Variants in TNPO3 observed in about 807,000 individuals in gnomAD.
TNPO3 encodes the protein transportin 3.
A neutral mutation model predicts 122.8 loss-of-function variants in TNPO3; 65 were observed. The ratio of observed to expected loss-of-function variants is 0.53; its 90% CI spans 0.43 to 0.65. TNPO3 has a LOEUF of 0.65. Ranked by LOEUF, TNPO3 falls within the 30% of genes least tolerant of loss-of-function variation. The pLI is 0.00. For missense variants in TNPO3, 850 were observed against 1,136.7 expected (o/e 0.75, Z 3.63); for synonymous variants, 372 against 411.2 (o/e 0.90, Z 1.15).
chr7:129,026,401 T>TC, intron 1 of TNPO3, among the ~76,000 whole-genome samples: 1 of 147,522 alleles, frequency 6.8e-6, no homozygotes, highest in African/African-American at 2.5e-5. Context: ...TGAATTTTTT[T>TC]TTTTTTTTTT....
chr7:128,979,075 G>C lies in TNPO3; in HGVS notation c.1969C>G (p.Arg657Gly). ...ETLNKHRADN[R>G]IVERCCRCLR... ...CACCTGCAACAACGCTCTACAATCC[G>C]ATTATCAGCTCGGTGCTTATTTAGA... is the stretch of plus-strand genomic sequence containing the variant. The change falls in exon 16 of 23, where the codon CGG (arginine) becomes GGG (glycine). Residue 657 changes from arginine (R) to glycine (G), a missense_variant. Arg to Gly is a moderately radical substitution (Grantham distance 125, BLOSUM62 -2). Transcript: ENST00000265388. The C allele has an allele frequency of 8.7e-6, 14 of 1,614,196 alleles. No homozygotes were observed. Among genetic ancestry groups the C allele is most frequent in the Non-Finnish European group, 1.2e-5 (14 of 1,180,036 alleles).
intron 20 of TNPO3, among the ~76,000 whole-genome samples, chr7:128,968,912 G>C (rs1485446968): frequency 6.6e-6 from 1 of 151,228 alleles, no homozygotes. Flanking sequence ...TTTTTTGTAG[G>C]GATGGGGTCT....
At chr7:128,990,174 G>T in intron 10 of TNPO3, 74 bp from the exon 11 acceptor site, 1 of 1,484,256 alleles carries the variant, frequency 6.7e-7, no homozygotes, top group Non-Finnish European at 9.4e-7. Flanking sequence ...AGGCTGTGAC[G>T]ACACACAGCA....
chr7:129,014,479 T>C (rs1031239277), intron 4 of TNPO3, among the ~76,000 whole-genome samples: 1 of 152,028 alleles, frequency 6.6e-6, no homozygotes, highest in African/African-American at 2.4e-5. Context: ...GCTGAGATCA[T>C]GCCACTGCAC....
upstream of TNPO3, chr7:129,056,100 A>C (rs1485562379): frequency 2.7e-6 from 3 of 1,117,920 alleles, no homozygotes; most frequent in African/African-American, 3.0e-5. Flanking sequence ...GCTCATCGGC[A>C]CTCAGAACGC....
In TNPO3 at chr7:128,975,919, T is replaced by C. The variant is rs1325614742; in HGVS notation, c.2078A>G (p.His693Arg). ...CAGGAAGCAGGAATGCTGATGTACG[T>C]GGTACACATTCACCATCTGTTGAGG... is the stretch of plus-strand genomic sequence containing the variant. ...PLVTQMVNVY[H>R]VHQHSCFLYL... is the part of the protein sequence containing the mutation. Residue 693 changes from histidine (H) to arginine (R), a missense_variant, in exon 17 of 23, where the codon CAC becomes CGC. Transcript: ENST00000265388. 1.2e-6 allele frequency: 2 copies of C among 1,612,598 alleles called. No homozygotes were observed. The highest frequency in any genetic ancestry group is 1.7e-6 in the Non-Finnish European group (2 of 1,178,606).
intron 4 of TNPO3, among the ~76,000 whole-genome samples, chr7:129,008,551 G>A (rs1452030141): frequency 1.3e-5 from 2 of 152,066 alleles, no homozygotes; most frequent in Admixed American, 1.3e-4. Context: ...AGAATTTTTA[G>A]AAAAGACTAT....
intron 4 of TNPO3, among the ~76,000 whole-genome samples, chr7:129,005,689 T>C (rs1802495799): frequency 1.3e-5 from 2 of 151,856 alleles, no homozygotes; most frequent in Admixed American, 1.3e-4. Context: ...GAGGCCTCCC[T>C]AGAAGCAGAA....
intron 20 of TNPO3, among the ~76,000 whole-genome samples, chr7:128,969,496 C>T (rs1412538614): frequency 1.3e-5 from 2 of 151,896 alleles, no homozygotes; most frequent in Admixed American, 1.3e-4. Flanking sequence ...TTATAAATTC[C>T]ATTTTAAAAA....
At chr7:129,015,191 A>G (rs925349408) in intron 3 of TNPO3, 56 bp from the exon 4 acceptor site, 17 of 1,568,160 alleles carry the variant, frequency 1.1e-5, no homozygotes, top group African/African-American at 2.7e-5. Flanking sequence ...ACACAATCAC[A>G]TAAGATAACA....
intron 21 of TNPO3, among the ~76,000 whole-genome samples, chr7:128,958,239 G>T (rs1411932599): frequency 7.0e-6 from 1 of 143,624 alleles, no homozygotes; most frequent in African/African-American, 2.6e-5. Context: ...CGCCTCCCAG[G>T]TTCAAGCGAT....
intron 1 of TNPO3, among the ~76,000 whole-genome samples, chr7:129,044,846 TA>T (rs1391628925): frequency 6.6e-6 from 1 of 152,256 alleles, no homozygotes; most frequent in Non-Finnish European, 1.5e-5. Flanking sequence ...ACAGCAATTC[TA>T]ATTCTAGGTA....
chr7:129,024,356 A>G (rs1385140437), intron 1 of TNPO3, among the ~76,000 whole-genome samples: 1 of 152,114 alleles, frequency 6.6e-6, no homozygotes, highest in East Asian at 1.9e-4. Flanking sequence ...CAGCCCAACC[A>G]CCAAATGGAT....
Position 129,001,099 on chromosome 7 carries a change from T to C in TNPO3, c.832A>G (p.Thr278Ala). The part of the protein sequence containing the change: ...QLFQGVLTLE[T>A]AYHMAVARED... ...CGTGCCACGGCCATATGATAGGCAG[T>C]CTCCAATGTCAGCACTCCCTGAAAA... The change falls in exon 6 of 23, where the codon ACT becomes GCT. Residue 278 changes from threonine (T) to alanine (A), a missense_variant. Thr to Ala is a moderately conservative substitution (Grantham distance 58). Coordinates refer to ENST00000265388, the MANE Select transcript of TNPO3 (RefSeq NM_012470.4). The C allele has an allele frequency of 6.2e-7, 1 of 1,614,136 alleles. No individual in the cohort carries two copies. The highest frequency in any genetic ancestry group is 8.5e-7 in the Non-Finnish European group (1 of 1,180,000).
chr7:128,955,391 A>G lies in TNPO3; in HGVS notation c.*32-6T>C, dbSNP rs1279791769. ...TCTAATTAAAAAAGACATTCCTGAC[A>G]AAAGAGATAAGACAGTCAATAACTG... On this transcript the variant is annotated splice_polypyrimidine_tract_variant and splice_region_variant and intron_variant, in intron 22 of 22. Transcript: ENST00000265388. The G allele has an allele frequency of 6.6e-6, 3 of 455,744 alleles. No individual in the cohort carries two copies. The highest frequency in any genetic ancestry group is 1.3e-5 in the Non-Finnish European group (3 of 226,670). The allele number at this position is 455,744 out of a possible 1,614,324, so 28.2% of individuals were successfully genotyped here. A position where few individuals can be genotyped will look rare whatever the true frequency, so the allele number is the denominator to read the frequency against.
In TNPO3 at chr7:129,013,434, CAA is replaced by C. The variant is rs3993440; in HGVS notation, c.552+1543_552+1544del. On this transcript the variant is annotated intron_variant, in intron 4 of 22. Transcript: ENST00000265388. ...AATATATAAGAAACCCAAATAATAG[CAA>C]AAAAAAAAAAAAATTAAAAATTAAA... Among the ~76,000 whole-genome samples the C allele has an allele frequency of 6.5e-3, 831 of 127,698 alleles. 5 individuals are homozygous for C. Among genetic ancestry groups the C allele is most frequent in the African/African-American group, 0.021 (672 of 32,464 alleles). The allele number at this position is 127,698 out of a possible 152,430, so 83.8% of individuals were successfully genotyped here.
chr7:129,055,372 G>A (rs1277335864), upstream of TNPO3: 2 of 156,032 alleles, frequency 1.3e-5, no homozygotes, highest in Admixed American at 1.2e-4. Context: ...TACCCCTTCC[G>A]ACTGCCCCAT....
At position 129,010,100 on chromosome 7, in the gene TNPO3, A is replaced by T. The variant is rs567945797; in HGVS notation, c.552+4879T>A. On this transcript the variant is annotated intron_variant, in intron 4 of 22. Transcript: ENST00000265388. ...TATCCTACCTTTCTAGTAGGAGCTC[A>T]TAAGAATGCCAACTTATATGTACAA... Among the ~76,000 whole-genome samples, 13 of 152,378 alleles carry T rather than the reference A, an allele frequency of 8.5e-5. No individual in the cohort carries two copies. In the South Asian group the frequency reaches 2.3e-3, roughly 27 times the overall value.
intron 10 of TNPO3, 40 bp from the exon 11 acceptor site, chr7:128,990,140 G>A (rs747673774): frequency 2.8e-5 from 45 of 1,613,598 alleles, no homozygotes; most frequent in Non-Finnish European, 3.5e-5. Flanking sequence ...ACTGATTTCA[G>A]AGGTTATATT....
Sources: gnomAD v4.1 joint callset for allele counts (sites outside exome capture counted in the v4.1 genomes callset) on GRCh38, gnomAD v4.1.1 for gene constraint, MANE v1.5 for transcripts, NCBI Gene and HGNC (gene_info 2026-07-23, HGNC 2026-07-21) for gene names.